Variants in MAS1 observed in about 807,000 individuals in gnomAD.
The protein encoded by MAS1 is MAS1 proto-oncogene, G protein-coupled receptor.
For synonymous variants in MAS1, 163 were observed against 164.2 expected, an observed-to-expected ratio of 0.99 and a Z score of 0.05; for missense variants, 387 against 409.7, an observed-to-expected ratio of 0.94 and a Z score of 0.48.
chr6:159,904,546 A>C (rs1250834272), intron 2 of MAS1, among the ~76,000 whole-genome samples: 2 of 152,110 alleles, frequency 1.3e-5, no homozygotes, highest in Non-Finnish European at 2.9e-5. Flanking sequence ...CCACAACCTG[A>C]TTTATGCTAA....
intron 2 of MAS1, among the ~76,000 whole-genome samples, chr6:159,903,692 C>T (rs569582619): frequency 6.6e-6 from 1 of 152,314 alleles, no homozygotes; most frequent in East Asian, 1.9e-4. Flanking sequence ...ACACACCCTG[C>T]CTTCCCCTTC....
chr6:159,896,080 A>G (rs1306077409), intron 1 of MAS1, among the ~76,000 whole-genome samples: 1 of 152,230 alleles, frequency 6.6e-6, no homozygotes, highest in Non-Finnish European at 1.5e-5. Flanking sequence ...AGGCCAAGAC[A>G]GGAGAATCAG....
rs755104780 is a variant in MAS1 at position 159,907,892 on chromosome 6, A to C, written c.937A>C (p.Lys313Gln). Residue 313 changes from lysine (K) to glutamine (Q), a missense_variant, in exon 3 of 3, where the codon AAA becomes CAA. Physicochemically the swap from Lys to Gln is moderately conservative, Grantham distance 53 (BLOSUM62 1). Transcript: ENST00000674077. Reference protein sequence around the residue: ...FKDEMQPRRQKDNCNTVTVET... With the variant: ...FKDEMQPRRQQDNCNTVTVET... ...AGATGAAATGCAACCTCGGCGCCAGAAAGACAATTGTAATACGGTCACAGT... is the reference window on the plus strand; with the variant it reads ...AGATGAAATGCAACCTCGGCGCCAGCAAGACAATTGTAATACGGTCACAGT... 5.6e-6 allele frequency: 9 copies of C among 1,610,010 alleles called. No homozygotes were observed. The Admixed American group carries it at 6.7e-5, about 12-fold the overall frequency.
At chr6:159,903,448 G>A (rs565139990) in intron 2 of MAS1, among the ~76,000 whole-genome samples, 10 of 152,154 alleles carry the variant, frequency 6.6e-5, no homozygotes, top group Admixed American at 1.3e-4. Context: ...AGCTGGGCGG[G>A]CTGTAGGTTA....
chr6:159,897,824 C>T (rs2115110197), intron 1 of MAS1, among the ~76,000 whole-genome samples: 1 of 151,692 alleles, frequency 6.6e-6, no homozygotes, highest in East Asian at 1.9e-4. Flanking sequence ...CTGCGGACTG[C>T]TTCACAGTGG....
At position 159,914,748 on chromosome 6, in the gene MAS1, G is replaced by A. The variant is rs888034901; in HGVS notation, c.*6815G>A. 6.6e-6 allele frequency: 1 copy of A among 152,348 alleles called. No individual in the cohort carries two copies. The highest frequency in any genetic ancestry group is 6.5e-5 in the Admixed American group (1 of 15,280). 9.4% of individuals were successfully genotyped at this position (152,348 alleles called of 1,614,324 possible). ...GCTTTTTGTCCCCAGTTCACCCCAG[G>A]TCATTCAGCTATCCTGGCATTCCCA... On this transcript the variant is annotated 3_prime_UTR_variant, in exon 3 of 3. Coordinates refer to ENST00000674077, the MANE Select transcript of MAS1 (RefSeq NM_002377.4).
chr6:159,907,614 CT>C lies in MAS1; in HGVS notation c.661del (p.Ser221ProfsTer8), dbSNP rs1425056184. The C allele has an allele frequency of 3.1e-6, 5 of 1,613,880 alleles. No individual in the cohort carries two copies. The South Asian group carries it at 5.5e-5, about 18-fold the overall frequency. The part of the protein sequence containing the change: ...LVVKIRKNTW[A>X]SHSSKLYIVI... ...GTGAAGATCCGGAAGAACACGTGGG[CT>C]TCCCATTCCTCCAAGCTTTACATAG... On this transcript the variant is annotated frameshift_variant, in exon 3 of 3. Transcript: ENST00000674077. LOFTEE classifies it low-confidence loss of function (END_TRUNC).
rs1783021185 is a variant in MAS1, at chr6:159,916,218, A to T, written c.*8285A>T. On this transcript the variant is annotated 3_prime_UTR_variant, in exon 3 of 3. Coordinates refer to ENST00000674077, the MANE Select transcript of MAS1 (RefSeq NM_002377.4). Reference sequence around the variant, plus strand: ...ATGTTAGTTATTTCTTGAGGACGTTATGTAAAGTGATATAAGCCAGGCCCG... The same window carrying T: ...ATGTTAGTTATTTCTTGAGGACGTTTTGTAAAGTGATATAAGCCAGGCCCG... The T allele has an allele frequency of 6.6e-6, 1 of 152,250 alleles. No homozygotes were observed. The highest frequency in any genetic ancestry group is 6.5e-5 in the Admixed American group (1 of 15,286). 9.4% of individuals were successfully genotyped at this position (152,250 alleles called of 1,614,324 possible).
rs965289559 is a variant in MAS1, at chr6:159,907,109, A to C, written c.154A>C (p.Ile52Leu). The stretch of plus-strand genomic sequence containing the variant: ...CCCAGTGGGGTTTGTTGAGAATGGG[A>C]TTCTCCTCTGGTTCCTGTGCTTCCG... ...ISPVGFVENG[I>L]LLWFLCFRMR... Residue 52 changes from isoleucine to leucine, a missense_variant, in exon 3 of 3, where the codon ATT becomes CTT. Physicochemically the swap from Ile to Leu is conservative, Grantham distance 5 (BLOSUM62 2). Transcript: ENST00000674077. 1 of 1,614,144 alleles carries C rather than the reference A, an allele frequency of 6.2e-7. No individual in the cohort carries two copies. Among genetic ancestry groups the C allele is most frequent in the African/African-American group, 1.3e-5 (1 of 75,024 alleles).
chr6:159,916,614 G>A lies in MAS1; in HGVS notation c.*8681G>A, dbSNP rs911683759. The A allele has an allele frequency of 2.6e-5, 4 of 152,216 alleles. No individual in the cohort carries two copies. Among genetic ancestry groups the A allele is most frequent in the Non-Finnish European group, 5.9e-5 (4 of 68,046 alleles). 9.4% of individuals were successfully genotyped at this position (152,216 alleles called of 1,614,324 possible). A position where few individuals can be genotyped will look rare whatever the true frequency, so the allele number is the denominator to read the frequency against. The stretch of plus-strand genomic sequence containing the variant: ...GGTGCCAAGTCAATACTTGGGTGAT[G>A]AAGGATGAAGACAAACCTCCTCTTC... On this transcript the variant is annotated 3_prime_UTR_variant, in exon 3 of 3. Transcript: ENST00000674077.
At chr6:159,892,698 G>T (rs899553234) in intron 1 of MAS1, among the ~76,000 whole-genome samples, 2 of 152,124 alleles carry the variant, frequency 1.3e-5, no homozygotes, top group Non-Finnish European at 2.9e-5. Flanking sequence ...TCATTGAGAG[G>T]TAATTGCAGC....
rs988519802 is a variant in MAS1, at chr6:159,909,189, G to C, written c.*1256G>C. The C allele has an allele frequency of 3.3e-5, 5 of 152,158 alleles. No homozygotes were observed. The highest frequency in any genetic ancestry group is 5.9e-5 in the Non-Finnish European group (4 of 68,040). 9.4% of individuals were successfully genotyped at this position (152,158 alleles called of 1,614,324 possible). A position where few individuals can be genotyped will look rare whatever the true frequency, so the allele number is the denominator to read the frequency against. Reference sequence around the variant, plus strand: ...ACTGCACGTCCTGGGTTTTAGCTGTGAAGCCCGTCGCATAGCTATGTTTAT... The same window carrying C: ...ACTGCACGTCCTGGGTTTTAGCTGTCAAGCCCGTCGCATAGCTATGTTTAT... On this transcript the variant is annotated 3_prime_UTR_variant, in exon 3 of 3. Coordinates refer to ENST00000674077, the MANE Select transcript of MAS1 (RefSeq NM_002377.4).
In MAS1 at chr6:159,907,658, A is replaced by G. The variant is rs749754534; in HGVS notation, c.703A>G (p.Ile235Val). 6.2e-7 allele frequency: 1 copy of G among 1,613,820 alleles called. No individual in the cohort carries two copies. The highest frequency in any genetic ancestry group is 8.5e-7 in the Non-Finnish European group (1 of 1,179,974). The change falls in exon 3 of 3, where the codon ATT (isoleucine) becomes GTT (valine). Residue 235 changes from isoleucine to valine, a missense_variant. By Grantham distance (29) the Ile-to-Val change is conservative (BLOSUM62 3). Coordinates refer to ENST00000674077, the MANE Select transcript of MAS1 (RefSeq NM_002377.4). ...TTACATAGTCATCATGGTCACCATC[A>G]TTATATTCCTCATCTTCGCTATGCC... ...KLYIVIMVTIIIFLIFAMPMR... is the reference protein window; with the variant it reads ...KLYIVIMVTIVIFLIFAMPMR...
intron 2 of MAS1, among the ~76,000 whole-genome samples, chr6:159,900,851 G>A (rs1292371323): frequency 6.6e-6 from 1 of 152,212 alleles, no homozygotes; most frequent in East Asian, 1.9e-4. Flanking sequence ...GCAAGTGTTG[G>A]AGATTCAGAT....
intron 2 of MAS1, among the ~76,000 whole-genome samples, chr6:159,902,997 T>G (rs1433417386): frequency 6.6e-6 from 1 of 152,118 alleles, no homozygotes; most frequent in Non-Finnish European, 1.5e-5. Context: ...CCCTCAGCCC[T>G]TCTTTTCCAC....
chr6:159,893,136 A>T (rs906060727), intron 1 of MAS1, among the ~76,000 whole-genome samples: 5 of 152,246 alleles, frequency 3.3e-5, no homozygotes, highest in Admixed American at 1.3e-4. Context: ...TGAGTTTTGC[A>T]GGAAGGTGGT....
In MAS1 at chr6:159,910,365, A is replaced by T. The variant is rs1782951732; in HGVS notation, c.*2432A>T. ...ACCAGGCTGCACACAAGTTTGTTTG[A>T]CAAGTGTTAGGAACAAAATTGTGTG... On this transcript the variant is annotated 3_prime_UTR_variant, in exon 3 of 3. Transcript: ENST00000674077. 2 of 152,234 alleles carry T rather than the reference A, an allele frequency of 1.3e-5. No homozygotes were observed. Among genetic ancestry groups the T allele is most frequent in the African/African-American group, 2.4e-5 (1 of 41,460 alleles). The allele number at this position is 152,234 out of a possible 1,614,324, so 9.4% of individuals were successfully genotyped here.
chr6:159,912,046 G>A lies in MAS1; in HGVS notation c.*4113G>A, dbSNP rs1782971011. 1 of 152,384 alleles carries A rather than the reference G, an allele frequency of 6.6e-6. No homozygotes were observed. The highest frequency in any genetic ancestry group is 2.4e-5 in the African/African-American group (1 of 41,454). The allele number at this position is 152,384 out of a possible 1,614,324, so 9.4% of individuals were successfully genotyped here. A position where few individuals can be genotyped will look rare whatever the true frequency, so the allele number is the denominator to read the frequency against. ...TTTTCAGGAATCAGGATGGAGGAGG[G>A]TTGGTGAACAGCACCACTGGCCTTG... On this transcript the variant is annotated 3_prime_UTR_variant, in exon 3 of 3. Transcript: ENST00000674077.
At chr6:159,897,955 C>T (rs759937499) in intron 1 of MAS1, among the ~76,000 whole-genome samples, 9 of 151,804 alleles carry the variant, frequency 5.9e-5, no homozygotes, top group Admixed American at 1.3e-4. Context: ...TGCAGTGGCG[C>T]GATCTTGGCT....
Sources: allele counts gnomAD v4.1 joint callset (sites outside exome capture counted in the v4.1 genomes callset), GRCh38; gene constraint gnomAD v4.1.1; transcripts MANE v1.5; gene names NCBI Gene and HGNC (gene_info 2026-07-23, HGNC 2026-07-21).